UBL3: variants seen among roughly 807,000 people sequenced by gnomAD.
UBL3 encodes the protein ubiquitin like 3.
Under a neutral mutation model 18.4 loss-of-function variants are expected in UBL3, and 6 were observed. That is an observed-to-expected ratio of 0.33 (90% confidence interval 0.18 to 0.64). The LOEUF is 0.64. UBL3 is among the 30% of genes least tolerant of loss of function. UBL3 has a pLI of 0.76. For synonymous variants in UBL3, 49 were observed against 46.6 expected (o/e 1.05, Z -0.21); for missense variants, 109 against 142.9 (o/e 0.76, Z 1.21).
At chr13:29,829,664 C>T (rs987530009) in intron 1 of UBL3, among the ~76,000 whole-genome samples, 10 of 151,510 alleles carry the variant, frequency 6.6e-5, no homozygotes, top group Admixed American at 2.0e-4. Flanking sequence ...CGCCCTGCTT[C>T]GGCTCACGCT....
chr13:29,840,312 T>G (rs1236582009), intron 1 of UBL3, among the ~76,000 whole-genome samples: 1 of 152,054 alleles, frequency 6.6e-6, no homozygotes, highest in Non-Finnish European at 1.5e-5. Context: ...AAATAGAAAA[T>G]ATGAATAGCT....
chr13:29,840,423 A>G (rs1236546632), intron 1 of UBL3, among the ~76,000 whole-genome samples: 3 of 152,230 alleles, frequency 2.0e-5, no homozygotes, highest in Admixed American at 2.0e-4. Context: ...AATAAAATCA[A>G]TCTTCACAAA....
At chr13:29,790,552 G>C (rs1877455435) in intron 1 of UBL3, among the ~76,000 whole-genome samples, 1 of 151,976 alleles carries the variant, frequency 6.6e-6, no homozygotes, top group African/African-American at 2.4e-5. Context: ...ATGTTTTCTG[G>C]AACACCAACC....
intron 1 of UBL3, among the ~76,000 whole-genome samples, chr13:29,778,330 T>A (rs1415610621): frequency 6.6e-6 from 1 of 152,238 alleles, no homozygotes; most frequent in Non-Finnish European, 1.5e-5. Context: ...GTTTAATTTT[T>A]ATCTGTTGTA....
intron 1 of UBL3, among the ~76,000 whole-genome samples, chr13:29,832,648 G>A (rs907060338): frequency 1.3e-5 from 2 of 152,184 alleles, no homozygotes; most frequent in East Asian, 3.9e-4. Flanking sequence ...AGAACCAGAA[G>A]TACTGATGCC....
intron 1 of UBL3, among the ~76,000 whole-genome samples, chr13:29,798,750 T>A (rs1437358441): frequency 6.6e-6 from 1 of 152,198 alleles, no homozygotes; most frequent in African/African-American, 2.4e-5. Context: ...TCTTCTTAAA[T>A]GAGCAAAATT....
intron 1 of UBL3, among the ~76,000 whole-genome samples, chr13:29,822,149 G>A (rs1264877787): frequency 6.6e-6 from 1 of 152,164 alleles, no homozygotes; most frequent in Non-Finnish European, 1.5e-5. Context: ...TTTCTGAAAA[G>A]ATAAATGTAT....
chr13:29,806,705 A>G (rs1223697750), intron 1 of UBL3, among the ~76,000 whole-genome samples: 2 of 152,150 alleles, frequency 1.3e-5, no homozygotes, highest in Non-Finnish European at 2.9e-5. Context: ...AGAAATATTA[A>G]AAAGCATTTT....
At chr13:29,784,988 C>T (rs1030777913) in intron 1 of UBL3, among the ~76,000 whole-genome samples, 7 of 152,340 alleles carry the variant, frequency 4.6e-5, no homozygotes, top group Non-Finnish European at 7.4e-5. Flanking sequence ...TCGCCGCAAC[C>T]TCCGGCTCCC....
chr13:29,797,430 T>C (rs1295661988), intron 1 of UBL3, among the ~76,000 whole-genome samples: 1 of 152,204 alleles, frequency 6.6e-6, no homozygotes, highest in African/African-American at 2.4e-5. Flanking sequence ...TGAATCCCCC[T>C]AATCCTCTTT....
chr13:29,836,375 TAAATA>T (rs1295687615), intron 1 of UBL3, among the ~76,000 whole-genome samples: 83 of 149,822 alleles, frequency 5.5e-4, no homozygotes, highest in Non-Finnish European at 9.2e-4. Flanking sequence ...AATAAATAAA[TAAATA>T]AAATAAAACC....
intron 1 of UBL3, among the ~76,000 whole-genome samples, chr13:29,837,694 C>A (rs1174284197): frequency 6.6e-6 from 1 of 151,992 alleles, no homozygotes; most frequent in Non-Finnish European, 1.5e-5. Flanking sequence ...TTTTGGGAGG[C>A]TGAGGCAGGC....
chr13:29,849,150 G>C (rs190617773), intron 1 of UBL3, among the ~76,000 whole-genome samples: 1 of 152,190 alleles, frequency 6.6e-6, no homozygotes, highest in East Asian at 1.9e-4. Flanking sequence ...CTATTCTCTC[G>C]TAGGGACACC....
In UBL3 at chr13:29,767,202, C is replaced by A; in HGVS notation, c.*53G>T. On this transcript the variant is annotated 3_prime_UTR_variant, in exon 5 of 5. Coordinates refer to ENST00000380680, the MANE Select transcript of UBL3 (RefSeq NM_007106.4). ...TGAAGCAATGTCGGGTCTTTTCTGT[C>A]CCAGCAGCATGAAAGACAAAGACTA... is the stretch of plus-strand genomic sequence containing the variant. 6.2e-7 allele frequency: 1 copy of A among 1,601,302 alleles called. No individual in the cohort carries two copies. Among genetic ancestry groups the A allele is most frequent in the Non-Finnish European group, 8.5e-7 (1 of 1,171,262 alleles).
intron 1 of UBL3, among the ~76,000 whole-genome samples, chr13:29,799,363 C>T (rs1218463832): frequency 1.3e-5 from 2 of 152,208 alleles, no homozygotes; most frequent in Non-Finnish European, 2.9e-5. Context: ...ATCAAGAGCA[C>T]ATTCTTGGAG....
intron 1 of UBL3, among the ~76,000 whole-genome samples, chr13:29,790,865 T>G (rs192068266): frequency 6.6e-6 from 1 of 152,304 alleles, no homozygotes; most frequent in East Asian, 1.9e-4. Context: ...TATGGGTTTT[T>G]CCAAGGTTCC....
At chr13:29,776,930 AAGAC>A (rs1052176753) in intron 2 of UBL3, among the ~76,000 whole-genome samples, 8 of 151,344 alleles carry the variant, frequency 5.3e-5, no homozygotes, top group African/African-American at 1.7e-4. Context: ...AAACAGTTCT[AAGAC>A]AGAAGCAGAG....
At chr13:29,783,168 G>C (rs1404581410) in intron 1 of UBL3, among the ~76,000 whole-genome samples, 1 of 152,194 alleles carries the variant, frequency 6.6e-6, no homozygotes, top group East Asian at 1.9e-4. Context: ...TCAAATGCGT[G>C]AACACCTCAA....
chr13:29,802,107 C>CA (rs1877786378), intron 1 of UBL3, among the ~76,000 whole-genome samples: 1 of 152,176 alleles, frequency 6.6e-6, no homozygotes, highest in Non-Finnish European at 1.5e-5. Context: ...ACAGAGGGGC[C>CA]ACGCAGTGGA....
Sources: allele counts gnomAD v4.1 joint callset (sites outside exome capture counted in the v4.1 genomes callset), GRCh38; gene constraint gnomAD v4.1.1; transcripts MANE v1.5; gene names NCBI Gene and HGNC (gene_info 2026-07-23, HGNC 2026-07-21).